VPS8: variants seen among roughly 807,000 people sequenced by gnomAD.
The protein encoded by VPS8 is VPS8 subunit of CORVET complex.
In VPS8, 129 loss-of-function variants were observed where a neutral mutation model predicts 216.4. The observed-to-expected ratio is 0.60, with a 90% CI of 0.52 to 0.69. The LOEUF (loss-of-function observed/expected upper bound fraction) is 0.69. VPS8 is among the 30% of genes least tolerant of loss of function. The pLI, the probability that VPS8 is intolerant of heterozygous loss-of-function variation, is 0.00. For synonymous variants in VPS8, 571 were observed against 565.4 expected (o/e 1.01, Z -0.14); for missense variants, 1,531 against 1,683.5 (o/e 0.91, Z 1.59).
chr3:184,980,443 G>A (rs918672078), intron 40 of VPS8, among the ~76,000 whole-genome samples: 1 of 151,956 alleles, frequency 6.6e-6, no homozygotes, highest in Non-Finnish European at 1.5e-5. Flanking sequence ...AATGCCAAAG[G>A]TTTGGTGTCT....
At chr3:184,829,339 G>A (rs1490749068) in intron 3 of VPS8, among the ~76,000 whole-genome samples, 2 of 152,020 alleles carry the variant, frequency 1.3e-5, no homozygotes, top group African/African-American at 2.4e-5. Context: ...TCAGCCTCCC[G>A]AGTAGGTGGG....
At chr3:184,961,827 C>T (rs2109525685) in intron 37 of VPS8, among the ~76,000 whole-genome samples, 1 of 151,604 alleles carries the variant, frequency 6.6e-6, no homozygotes, top group African/African-American at 2.4e-5. Context: ...AGTGCAGTGG[C>T]ATGATCTCGG....
At chr3:184,914,153 C>A (rs1022564652) in intron 26 of VPS8, among the ~76,000 whole-genome samples, 1 of 152,200 alleles carries the variant, frequency 6.6e-6, no homozygotes, top group South Asian at 2.1e-4. Flanking sequence ...CAGAACCTAG[C>A]AGAACATCAT....
At chr3:184,816,245 A>G (rs1716299898) in intron 1 of VPS8, 1 of 152,234 alleles carries the variant, frequency 6.6e-6, no homozygotes, top group African/African-American at 2.4e-5. Context: ...AGATATTTGT[A>G]GACTTCGTTC....
intron 40 of VPS8, among the ~76,000 whole-genome samples, chr3:184,974,813 T>C (rs2109672844): frequency 6.6e-6 from 1 of 152,214 alleles, no homozygotes; most frequent in African/African-American, 2.4e-5. Flanking sequence ...CTGAAGAGGG[T>C]GTCTTTTCCC....
In VPS8 at chr3:185,002,948, C is replaced by T. The variant is rs191634264; in HGVS notation, c.4002+3087C>T. Among the ~76,000 whole-genome samples the T allele has an allele frequency of 8.6e-3, 1,308 of 152,082 alleles. 7 individuals are homozygous for T. Among genetic ancestry groups the T allele is most frequent in the Non-Finnish European group, 0.014 (969 of 68,008 alleles). The stretch of plus-strand genomic sequence containing the variant: ...TCTTTTTCATATAATGACTTATTTT[C>T]CTTTGGGTAGATACCAAGTAATGGA... On this transcript the variant is annotated intron_variant, in intron 45 of 47. Transcript: ENST00000625842.
chr3:184,817,742 T>C (rs1296749147), intron 1 of VPS8, among the ~76,000 whole-genome samples: 1 of 152,254 alleles, frequency 6.6e-6, no homozygotes, highest in African/African-American at 2.4e-5. Flanking sequence ...TTCCTGTCTC[T>C]TAGTTCCTAT....
At chr3:185,018,252 C>T (rs1411061726) in intron 45 of VPS8, among the ~76,000 whole-genome samples, 1 of 152,176 alleles carries the variant, frequency 6.6e-6, no homozygotes. Context: ...CCTGAGCAGC[C>T]GGATCTGCAA....
At chr3:184,893,613 G>C (rs913026621) in intron 22 of VPS8, among the ~76,000 whole-genome samples, 1 of 152,190 alleles carries the variant, frequency 6.6e-6, no homozygotes, top group South Asian at 2.1e-4. Flanking sequence ...TACATTGTGG[G>C]TGGCAGTGTC....
At chr3:184,949,135 A>C (rs748214428) in intron 36 of VPS8, among the ~76,000 whole-genome samples, 1 of 152,062 alleles carries the variant, frequency 6.6e-6, no homozygotes, top group Admixed American at 6.6e-5. Context: ...GTGAAACTCT[A>C]TCTCTATAAA....
Position 184,849,971 on chromosome 3 carries a change from A to G in VPS8, c.702A>G (p.Leu234=), listed in dbSNP as rs1365162464. The G allele has an allele frequency of 1.9e-6, 3 of 1,613,470 alleles. No individual in the cohort carries two copies. Among genetic ancestry groups the G allele is most frequent in the South Asian group, 2.2e-5 (2 of 91,022 alleles). ...GGGATTTGGCCAGTGGAAAACTTCT[A>G]AGATCAATAACAGATGCTCATCCTC... ...TMWDLASGKL[L]RSITDAHPPG... Residue 234 remains leucine (L), a synonymous_variant, in exon 10 of 48, where the codon CTA becomes CTG. Coordinates refer to ENST00000625842, the MANE Select transcript of VPS8 (RefSeq NM_001009921.3).
chr3:185,033,672 A>G (rs1049856305), intron 46 of VPS8, among the ~76,000 whole-genome samples: 3 of 152,216 alleles, frequency 2.0e-5, no homozygotes, highest in African/African-American at 7.2e-5. Context: ...TGGTAAGACT[A>G]TCTTTACATT....
At chr3:184,903,809 G>C (rs1735008406) in intron 25 of VPS8, among the ~76,000 whole-genome samples, 1 of 152,076 alleles carries the variant, frequency 6.6e-6, no homozygotes, top group South Asian at 2.1e-4. Flanking sequence ...CTGAGATTTT[G>C]ATAAGGATTG....
At chr3:184,954,585 C>G (rs568848218) in intron 36 of VPS8, among the ~76,000 whole-genome samples, 1 of 152,274 alleles carries the variant, frequency 6.6e-6, no homozygotes, top group South Asian at 2.1e-4. Flanking sequence ...TATTATATTC[C>G]CACATAGAGA....
intron 25 of VPS8, among the ~76,000 whole-genome samples, chr3:184,912,333 A>G (rs777962358): frequency 9.2e-5 from 14 of 152,204 alleles, no homozygotes; most frequent in East Asian, 1.9e-4. Context: ...GGAATAATTT[A>G]TAGTCTTATC....
chr3:185,038,586 A>G (rs1441165555), intron 46 of VPS8, among the ~76,000 whole-genome samples: 1 of 152,224 alleles, frequency 6.6e-6, no homozygotes, highest in African/African-American at 2.4e-5. Flanking sequence ...TCTTAAGAAC[A>G]CACTTAGGAT....
In VPS8 at chr3:184,940,227, A is replaced by C. The variant is rs776037117; in HGVS notation, c.3019A>C (p.Ser1007Arg). The C allele has an allele frequency of 9.3e-5, 138 of 1,483,260 alleles. No individual in the cohort carries two copies. The highest frequency in any genetic ancestry group is 1.2e-4 in the Non-Finnish European group (133 of 1,107,990). The allele number at this position is 1,483,260 out of a possible 1,614,324, so 91.9% of individuals were successfully genotyped here. ...NQVLLFKFLR[S>R]LLDPREGIHV... ...GGTTTTGCTTTTCAAATTTTTGAGG[A>C]GTCTTCTTGACCCAAGGTATGTTGA... is the stretch of plus-strand genomic sequence containing the variant. The change falls in exon 36 of 48, where the codon AGT becomes CGT. Residue 1007 changes from serine (S) to arginine (R), a missense_variant. Physicochemically the swap from Ser to Arg is moderately radical, Grantham distance 110. Coordinates refer to ENST00000625842, the MANE Select transcript of VPS8 (RefSeq NM_001009921.3).
At chr3:184,932,561 A>G (rs1196256782) in intron 34 of VPS8, among the ~76,000 whole-genome samples, 4 of 152,194 alleles carry the variant, frequency 2.6e-5, no homozygotes, top group Admixed American at 2.0e-4. Context: ...CTTTTCCCAC[A>G]TATTCTTTTC....
chr3:184,968,410 T>A (rs1560911803), intron 39 of VPS8, among the ~76,000 whole-genome samples: 1 of 152,218 alleles, frequency 6.6e-6, no homozygotes, highest in African/African-American at 2.4e-5. Flanking sequence ...CAAGTGGGAT[T>A]GCTGGATCAA....
Sources: allele counts gnomAD v4.1 joint callset (sites outside exome capture counted in the v4.1 genomes callset), GRCh38; gene constraint gnomAD v4.1.1; transcripts MANE v1.5; gene names NCBI Gene and HGNC (gene_info 2026-07-23, HGNC 2026-07-21).